The following SLC5A8 variants were observed in gnomAD, a reference collection of about 807,000 sequenced individuals.
The protein encoded by SLC5A8 is sodium-coupled monocarboxylate transporter 1.
In SLC5A8, 55 loss-of-function variants were observed where a neutral mutation model predicts 71.9. The observed-to-expected ratio is 0.77, with a 90% CI of 0.62 to 0.96. The LOEUF (loss-of-function observed/expected upper bound fraction) is 0.96, where lower values mean the gene tolerates loss of function less well. Among genes scored for constraint, SLC5A8 ranks in the 40% least tolerant of loss-of-function variants. The probability of loss-of-function intolerance (pLI) is 0.00; values close to 1 mark genes in which losing one functional copy is unlikely to be tolerated. For synonymous variants in SLC5A8, 307 were observed against 276.1 expected (o/e 1.11, Z -1.11); for missense variants, 701 against 745.3 (o/e 0.94, Z 0.69).
chr12:101,205,225 C>T (rs990696643), intron 1 of SLC5A8, among the ~76,000 whole-genome samples: 16 of 152,172 alleles, frequency 1.1e-4, no homozygotes, highest in African/African-American at 2.9e-4. Context: ...AAGGCTGCCC[C>T]GGTTTCTGTC....
At chr12:101,180,857 A>T (rs1336619619) in intron 9 of SLC5A8, among the ~76,000 whole-genome samples, 1 of 152,152 alleles carries the variant, frequency 6.6e-6, no homozygotes, top group Non-Finnish European at 1.5e-5. Context: ...CTCAGCCCAA[A>T]CTTCTTTATA....
intron 6 of SLC5A8, among the ~76,000 whole-genome samples, chr12:101,189,389 ACT>A (rs1444273180): frequency 6.6e-6 from 1 of 152,080 alleles, no homozygotes; most frequent in African/African-American, 2.4e-5. Context: ...AAACCAATTT[ACT>A]CTCAATATAT....
intron 12 of SLC5A8, among the ~76,000 whole-genome samples, chr12:101,164,915 C>T (rs2051755293): frequency 6.6e-6 from 1 of 152,212 alleles, no homozygotes; most frequent in South Asian, 2.1e-4. Context: ...AGTAGTATAT[C>T]TCTGAAGTCT....
intron 12 of SLC5A8, among the ~76,000 whole-genome samples, chr12:101,163,635 G>C (rs947750955): frequency 6.6e-6 from 1 of 152,096 alleles, no homozygotes; most frequent in Non-Finnish European, 1.5e-5. Flanking sequence ...CTCGAGCCTG[G>C]GCAACAGACT....
intron 7 of SLC5A8, among the ~76,000 whole-genome samples, chr12:101,185,567 G>C (rs1403417555): frequency 6.6e-6 from 1 of 151,972 alleles, no homozygotes; most frequent in Non-Finnish European, 1.5e-5. Context: ...TGAGGATAAG[G>C]GGTTTTTTTG....
intron 3 of SLC5A8, among the ~76,000 whole-genome samples, 178 bp downstream of exon 3, chr12:101,201,986 C>T (rs1869472721): frequency 6.6e-6 from 1 of 152,166 alleles, no homozygotes; most frequent in South Asian, 2.1e-4. Flanking sequence ...TGGAGCTGTC[C>T]ATCCAAAAAC....
chr12:101,205,224 C>T (rs371360683), intron 1 of SLC5A8, among the ~76,000 whole-genome samples: 3 of 152,276 alleles, frequency 2.0e-5, no homozygotes, highest in South Asian at 2.1e-4. Context: ...AAAGGCTGCC[C>T]CGGTTTCTGT....
intron 10 of SLC5A8, among the ~76,000 whole-genome samples, chr12:101,174,253 C>A (rs1039814360): frequency 4.6e-5 from 7 of 152,178 alleles, no homozygotes; most frequent in Non-Finnish European, 1.0e-4. Context: ...CCTAGTTAAC[C>A]AGCTTCCCCA....
intron 11 of SLC5A8, among the ~76,000 whole-genome samples, chr12:101,167,217 G>C (rs554093003): frequency 9.4e-4 from 143 of 152,280 alleles, no homozygotes; most frequent in Admixed American, 1.9e-3. Context: ...TCAACATTCT[G>C]AGGTGGACAC....
chr12:101,168,134 A>T lies in SLC5A8; in HGVS notation c.1282T>A (p.Phe428Ile), dbSNP rs768092412. 6.2e-7 allele frequency: 1 copy of T among 1,610,484 alleles called. No individual in the cohort carries two copies. Among genetic ancestry groups the T allele is most frequent in the Non-Finnish European group, 8.5e-7 (1 of 1,178,250 alleles). Reference protein sequence around the residue: ...GMVGGPLMGLFALGILVPFAN... With the variant: ...GMVGGPLMGLIALGILVPFAN... Reference sequence around the variant, plus strand: ...AAGGGAACCAAAATGCCCAAAGCGAACAGGCCCATAAGTGGTCCACCAACC... The same window carrying T: ...AAGGGAACCAAAATGCCCAAAGCGATCAGGCCCATAAGTGGTCCACCAACC... Residue 428 changes from phenylalanine (F) to isoleucine (I), a missense_variant, in exon 11 of 15, where the codon TTC (phenylalanine) becomes ATC (isoleucine). Coordinates refer to ENST00000536262, the MANE Select transcript of SLC5A8 (RefSeq NM_145913.5).
chr12:101,155,591 A>G lies in SLC5A8; in HGVS notation c.*1688T>C, dbSNP rs763216201. 5.5e-5 allele frequency: 8 copies of G among 145,870 alleles called. No homozygotes were observed. The highest frequency in any genetic ancestry group is 2.9e-4 in the Admixed American group (4 of 13,738). The allele number at this position is 145,870 out of a possible 1,614,324, so 9.0% of individuals were successfully genotyped here. On this transcript the variant is annotated 3_prime_UTR_variant, in exon 15 of 15. Transcript: ENST00000536262. ...AGCCTTGAAATCCTGGGCTTAAGCTATCCTCCCACCTCAGCTTCCCTAATA... is the reference window on the plus strand; with the variant it reads ...AGCCTTGAAATCCTGGGCTTAAGCTGTCCTCCCACCTCAGCTTCCCTAATA...
At chr12:101,207,799 T>C (rs956432784) in intron 1 of SLC5A8, among the ~76,000 whole-genome samples, 1 of 152,166 alleles carries the variant, frequency 6.6e-6, no homozygotes, top group African/African-American at 2.4e-5. Flanking sequence ...CACTAAGATA[T>C]ATGTTTTCTT....
At chr12:101,159,332 G>A (rs1593359042) in intron 13 of SLC5A8, among the ~76,000 whole-genome samples, 1 of 152,268 alleles carries the variant, frequency 6.6e-6, no homozygotes, top group South Asian at 2.1e-4. Context: ...ATGCTGCTAG[G>A]TGCTAGAGAA....
chr12:101,209,435 C>A, intron 1 of SLC5A8, 63 bp downstream of exon 1: 1 of 1,337,566 alleles, frequency 7.5e-7, no homozygotes, highest in Non-Finnish European at 1.0e-6. Context: ...AAAACGCCTC[C>A]AGAGGTCTGC....
intron 14 of SLC5A8, among the ~76,000 whole-genome samples, 154 bp from the exon 15 acceptor site, chr12:101,157,555 G>A (rs1159148920): frequency 6.6e-6 from 1 of 152,026 alleles, no homozygotes; most frequent in Non-Finnish European, 1.5e-5. Flanking sequence ...CTTCCTCAGA[G>A]GATACCGAGA....
At chr12:101,184,266 A>G (rs1868513135) in intron 7 of SLC5A8, 44 bp from the exon 8 acceptor site, 8 of 1,469,028 alleles carry the variant, frequency 5.4e-6, no homozygotes, top group African/African-American at 1.4e-5. Context: ...TCGCTACTGA[A>G]TAAAATTAAT....
At chr12:101,164,624 A>G (rs1476242268) in intron 12 of SLC5A8, among the ~76,000 whole-genome samples, 2 of 152,180 alleles carry the variant, frequency 1.3e-5, no homozygotes, top group East Asian at 3.9e-4. Flanking sequence ...TCATTCTGCG[A>G]CACACACTCC....
chr12:101,177,442 T>C (rs1276807158), intron 10 of SLC5A8, among the ~76,000 whole-genome samples: 4 of 133,526 alleles, frequency 3.0e-5, no homozygotes, highest in Admixed American at 7.5e-5. Flanking sequence ...AAAGGCAGTA[T>C]ATACACACAC....
chr12:101,175,758 G>GA lies in SLC5A8; in HGVS notation c.1233+4270dup, dbSNP rs35805307. Among the ~76,000 whole-genome samples, 8 of 152,024 alleles carry GA rather than the reference G, an allele frequency of 5.3e-5. No individual in the cohort carries two copies. In the East Asian group the frequency reaches 1.5e-3, roughly 29 times the overall value. ...GAAAAATATTTTTTTAACTCCTGGG[G>GA]AAAAAATACTAGCAACTCAGAATCA... On this transcript the variant is annotated intron_variant, in intron 10 of 14. Transcript: ENST00000536262.
Sources: allele counts gnomAD v4.1 joint callset (sites outside exome capture counted in the v4.1 genomes callset), GRCh38; gene constraint gnomAD v4.1.1; transcripts MANE v1.5; gene names NCBI Gene and HGNC (gene_info 2026-07-23, HGNC 2026-07-21).